The following FAM91A1 variants were observed in gnomAD, a reference collection of about 807,000 sequenced individuals.
FAM91A1 encodes the protein protein FAM91A1.
FAM91A1 carries 41 observed loss-of-function variants against 113.5 expected under a neutral mutation model. The observed-to-expected ratio is 0.36, with a 90% CI of 0.28 to 0.47. The LOEUF (loss-of-function observed/expected upper bound fraction) is 0.47, where lower values mean the gene tolerates loss of function less well. Among genes scored for constraint, FAM91A1 ranks in the 20% least tolerant of loss-of-function variants. The probability of loss-of-function intolerance (pLI) is 1.00; values close to 1 mark genes in which losing one functional copy is unlikely to be tolerated. For missense variants in FAM91A1, 696 were observed against 1,001.2 expected, an observed-to-expected ratio of 0.70 and a Z score of 4.11; for synonymous variants, 307 against 347.9, an observed-to-expected ratio of 0.88 and a Z score of 1.31.
intron 15 of FAM91A1, among the ~76,000 whole-genome samples, chr8:123,797,697 T>A (rs1423147940): frequency 2.0e-5 from 3 of 152,222 alleles, no homozygotes; most frequent in Admixed American, 6.5e-5. Flanking sequence ...TATTAGTAGT[T>A]AAGTCATTGG....
At chr8:123,773,120 A>G (rs1176775812) in intron 1 of FAM91A1, among the ~76,000 whole-genome samples, 2 of 152,034 alleles carry the variant, frequency 1.3e-5, no homozygotes, top group Admixed American at 6.5e-5. Context: ...ATCATGTTCT[A>G]TTTTTCTTAA....
Position 123,813,241 on chromosome 8 carries a change from G to C in FAM91A1, c.*537G>C, listed in dbSNP as rs1258394454. On this transcript the variant is annotated 3_prime_UTR_variant, in exon 24 of 24. Coordinates refer to ENST00000334705, the MANE Select transcript of FAM91A1 (RefSeq NM_144963.4). ...CTATGGGTGTCTGTAAATTATGTATGTCAGTTGGACATTGTAGAAGGTATG... is the reference window on the plus strand; with the variant it reads ...CTATGGGTGTCTGTAAATTATGTATCTCAGTTGGACATTGTAGAAGGTATG... The C allele has an allele frequency of 6.6e-6, 1 of 152,612 alleles. No homozygotes were observed. The highest frequency in any genetic ancestry group is 1.5e-5 in the Non-Finnish European group (1 of 68,038). The allele number at this position is 152,612 out of a possible 1,614,324, so 9.5% of individuals were successfully genotyped here.
intron 1 of FAM91A1, among the ~76,000 whole-genome samples, chr8:123,772,957 G>A (rs1032517301): frequency 6.6e-6 from 1 of 151,438 alleles, no homozygotes; most frequent in African/African-American, 2.4e-5. Context: ...AGTAGGCTGA[G>A]GAGGAGGAGG....
intron 12 of FAM91A1, among the ~76,000 whole-genome samples, chr8:123,786,861 G>A (rs1036212117): frequency 6.6e-6 from 1 of 152,122 alleles, no homozygotes; most frequent in African/African-American, 2.4e-5. Flanking sequence ...ACAACAACAC[G>A]GGCACCAATT....
Position 123,785,489 on chromosome 8 carries a change from G to A in FAM91A1, c.850-140G>A, listed in dbSNP as rs571734751. The A allele has an allele frequency of 6.2e-6, 4 of 646,344 alleles. No homozygotes were observed. The East Asian group carries it at 1.2e-4, about 19-fold the overall frequency. The allele number at this position is 646,344 out of a possible 1,614,324, so 40.0% of individuals were successfully genotyped here. A position where few individuals can be genotyped will look rare whatever the true frequency, so the allele number is the denominator to read the frequency against. On this transcript the variant is annotated intron_variant, in intron 10 of 23. Coordinates refer to ENST00000334705, the MANE Select transcript of FAM91A1 (RefSeq NM_144963.4). ...TATGAAGACTTCAAGGGAGGAGCAG[G>A]TCTACTGAAAATAGTTTCTGGTTAC...
At chr8:123,777,959 G>A (rs922825353) in intron 4 of FAM91A1, 66 bp from the exon 5 acceptor site, 12 of 1,356,302 alleles carry the variant, frequency 8.8e-6, no homozygotes, top group Admixed American at 6.0e-5. Flanking sequence ...TCCTACAATC[G>A]CTTGTGAACA....
intron 8 of FAM91A1, among the ~76,000 whole-genome samples, chr8:123,782,764 A>G (rs1815155516): frequency 6.6e-6 from 1 of 152,210 alleles, no homozygotes; most frequent in Non-Finnish European, 1.5e-5. Context: ...AAATGCTAGC[A>G]CTGTTTCAAA....
At position 123,797,949 on chromosome 8, in the gene FAM91A1, A is replaced by G. The variant is rs190309162; in HGVS notation, c.1412-141A>G. The G allele has an allele frequency of 6.3e-4, 578 of 923,158 alleles. 3 individuals are homozygous for G. The African/African-American group carries it at 9.0e-3, about 14-fold the overall frequency. The allele number at this position is 923,158 out of a possible 1,614,324, so 57.2% of individuals were successfully genotyped here. A position where few individuals can be genotyped will look rare whatever the true frequency, so the allele number is the denominator to read the frequency against. ...AAAGTGTCTTGGTGGTCTCCTAGGA[A>G]ATTTGGTACTTCTTAATAGAGTTAC... is the stretch of plus-strand genomic sequence containing the variant. On this transcript the variant is annotated intron_variant, in intron 15 of 23. Transcript: ENST00000334705.
chr8:123,787,508 C>G (rs1815288316), intron 13 of FAM91A1, 135 bp downstream of exon 13: 1 of 979,186 alleles, frequency 1.0e-6, no homozygotes, highest in South Asian at 1.8e-5. Flanking sequence ...AGTATAATAA[C>G]TTTCAGGGAA....
intron 8 of FAM91A1, among the ~76,000 whole-genome samples, chr8:123,781,084 C>G (rs1267141869): frequency 1.3e-5 from 2 of 152,058 alleles, no homozygotes; most frequent in African/African-American, 4.8e-5. Flanking sequence ...AGTTTTTTTG[C>G]CACTACAATA....
At chr8:123,806,769 CT>C (rs1484122171) in intron 20 of FAM91A1, among the ~76,000 whole-genome samples, 3 of 152,090 alleles carry the variant, frequency 2.0e-5, no homozygotes, top group African/African-American at 4.8e-5. Flanking sequence ...CTCTTCTTGT[CT>C]GGGTCTTGAA....
At chr8:123,797,614 T>C (rs1815560247) in intron 15 of FAM91A1, among the ~76,000 whole-genome samples, 1 of 152,252 alleles carries the variant, frequency 6.6e-6, no homozygotes, top group Non-Finnish European at 1.5e-5. Flanking sequence ...GAATATAGCA[T>C]ATAGTACATA....
Position 123,810,352 on chromosome 8 carries a change from G to A in FAM91A1, c.2331+1G>A, listed in dbSNP as rs773973694. 2.1e-5 allele frequency: 34 copies of A among 1,612,258 alleles called. No homozygotes were observed. The highest frequency in any genetic ancestry group is 2.9e-5 in the Non-Finnish European group (34 of 1,179,292). On this transcript the variant is annotated splice_donor_variant, in intron 23 of 23. Transcript: ENST00000334705. LOFTEE classifies it high-confidence loss of function. ...CCTTAACTTTGTTCACTCATTCCAG[G>A]TAACAAAAACCAAAAAGTCCAAATG... is the stretch of plus-strand genomic sequence containing the variant.
intron 7 of FAM91A1, 123 bp from the exon 8 acceptor site, chr8:123,780,357 T>G: frequency 1.2e-6 from 1 of 818,102 alleles, no homozygotes; most frequent in African/African-American, 1.8e-5. Flanking sequence ...TCTATTTTAC[T>G]TTTTCTTTCG....
intron 8 of FAM91A1, 27 bp from the exon 9 acceptor site, chr8:123,784,443 G>A: frequency 6.5e-7 from 1 of 1,535,070 alleles, no homozygotes; most frequent in Non-Finnish European, 8.9e-7. Context: ...CTGTACCACT[G>A]AGAAAAATCT....
intron 16 of FAM91A1, among the ~76,000 whole-genome samples, chr8:123,798,463 T>C (rs572890004): frequency 3.7e-4 from 56 of 152,316 alleles, no homozygotes; most frequent in African/African-American, 1.3e-3. Flanking sequence ...AATTTATTCA[T>C]GTACAGAATA....
intron 18 of FAM91A1, among the ~76,000 whole-genome samples, chr8:123,803,218 G>A: frequency 6.7e-6 from 1 of 149,130 alleles, no homozygotes; most frequent in Non-Finnish European, 1.5e-5. Flanking sequence ...GTGGTACTCT[G>A]TAGATCAAGC....
chr8:123,777,715 A>T (rs1276612601), intron 4 of FAM91A1, among the ~76,000 whole-genome samples: 1 of 152,224 alleles, frequency 6.6e-6, no homozygotes, highest in Non-Finnish European at 1.5e-5. Context: ...GGCAAAGTGT[A>T]TATTTTGAAT....
chr8:123,792,928 G>A (rs1648697565), intron 15 of FAM91A1, among the ~76,000 whole-genome samples: 1 of 152,132 alleles, frequency 6.6e-6, no homozygotes, highest in African/African-American at 2.4e-5. Context: ...TGAACTGCCT[G>A]TTCTGAATTA....
Sources: allele counts gnomAD v4.1 joint callset (sites outside exome capture counted in the v4.1 genomes callset), GRCh38; gene constraint gnomAD v4.1.1; transcripts MANE v1.5; gene names NCBI Gene and HGNC (gene_info 2026-07-23, HGNC 2026-07-21).